Variants in NBAS observed in about 807,000 individuals in gnomAD.
The protein encoded by NBAS is NBAS subunit of NRZ tethering complex.
Under a neutral mutation model 302.5 loss-of-function variants are expected in NBAS, and 219 were observed. The observed-to-expected ratio is 0.72, with a 90% CI of 0.65 to 0.81. The LOEUF (loss-of-function observed/expected upper bound fraction) is 0.81, where lower values mean the gene tolerates loss of function less well. Among genes scored for constraint, NBAS ranks in the 30% least tolerant of loss-of-function variants. NBAS has a pLI of 0.00. For missense variants in NBAS, 2,932 were observed against 2,841.6 expected, an observed-to-expected ratio of 1.03 and a Z score of -0.72; for synonymous variants, 1,118 against 1,021.6, an observed-to-expected ratio of 1.09 and a Z score of -1.80.
the NBAS span, among the ~76,000 whole-genome samples, chr2:14,990,279 C>T: frequency 7.6e-5 from 11 of 144,752 alleles, no homozygotes; most frequent in Non-Finnish European, 1.4e-4. Context: ...AAAAAAAAAG[C>T]TGGGCATGGT....
chr2:15,155,577 G>C, the NBAS span, among the ~76,000 whole-genome samples: 1 of 152,158 alleles, frequency 6.6e-6, no homozygotes, highest in South Asian at 2.1e-4. Flanking sequence ...AAGGCTTCCA[G>C]GGAATCAGGT....
intron 21 of NBAS, among the ~76,000 whole-genome samples, chr2:15,429,856 T>TA (rs1217422112): frequency 6.6e-6 from 1 of 152,258 alleles, no homozygotes; most frequent in African/African-American, 2.4e-5. Flanking sequence ...TGTCACCAAA[T>TA]AAAAAACTAT....
At chr2:15,437,266 C>T (rs1173733457) in intron 21 of NBAS, among the ~76,000 whole-genome samples, 3 of 152,092 alleles carry the variant, frequency 2.0e-5, no homozygotes, top group East Asian at 1.9e-4. Context: ...AAGGATCACT[C>T]GTGCCCAGGA....
intron 12 of NBAS, among the ~76,000 whole-genome samples, chr2:15,485,301 AAG>A (rs1680577983): frequency 6.6e-6 from 1 of 152,146 alleles, no homozygotes; most frequent in Non-Finnish European, 1.5e-5. Flanking sequence ...AATAATTATA[AAG>A]AGTGATTATA....
intron 41 of NBAS, among the ~76,000 whole-genome samples, chr2:15,292,028 G>A (rs1211968277): frequency 1.3e-5 from 2 of 152,230 alleles, no homozygotes. Context: ...GGGGTGGAGT[G>A]CAGTGGCATG....
At position 15,467,407 on chromosome 2, in the gene NBAS, C is replaced by A. The variant is rs753412601; in HGVS notation, c.2019G>T (p.Lys673Asn). The A allele has an allele frequency of 6.2e-7, 1 of 1,611,838 alleles. No homozygotes were observed. The highest frequency in any genetic ancestry group is 1.7e-5 in the Admixed American group (1 of 59,994). ...QELLKLVNFS[K>N]LTLEQKELCR... Reference sequence around the variant, plus strand: ...AAAGTTCCTTTTGTTCCAGTGTCAACCTGTTTTGAATAACTATGTTAGGCC... The same window carrying A: ...AAAGTTCCTTTTGTTCCAGTGTCAAACTGTTTTGAATAACTATGTTAGGCC... Residue 673 changes from lysine to asparagine, a missense_variant and splice_region_variant, in exon 19 of 52, where the codon AAG (lysine) becomes AAT (asparagine). By Grantham distance (94) the Lys-to-Asn change is moderately conservative. Transcript: ENST00000281513.
chr2:15,560,722 C>T (rs562671860), intron 1 of NBAS, among the ~76,000 whole-genome samples: 6 of 152,260 alleles, frequency 3.9e-5, no homozygotes, highest in African/African-American at 1.4e-4. Context: ...ATGCTGCAGA[C>T]TGTAAGGTCC....
intron 47 of NBAS, among the ~76,000 whole-genome samples, chr2:15,229,713 T>C (rs1291190084): frequency 1.4e-5 from 2 of 144,258 alleles, no homozygotes; most frequent in Admixed American, 1.4e-4. Context: ...ACCAGGGAGG[T>C]GGAGGTTGCA....
chr2:15,441,147 T>C (rs1678374933), intron 21 of NBAS, among the ~76,000 whole-genome samples: 1 of 151,988 alleles, frequency 6.6e-6, no homozygotes, highest in Non-Finnish European at 1.5e-5. Context: ...ATTCAGGAAA[T>C]ACAGAGAATG....
chr2:15,310,463 T>C (rs73197033), intron 38 of NBAS, among the ~76,000 whole-genome samples: 3,534 of 152,306 alleles, frequency 0.023, 122 homozygotes, highest in African/African-American at 0.077. Flanking sequence ...TATTTCAAGG[T>C]CTACTTCCAA....
the NBAS span, among the ~76,000 whole-genome samples, chr2:15,148,985 C>CT: frequency 6.6e-6 from 1 of 151,900 alleles, no homozygotes; most frequent in Non-Finnish European, 1.5e-5. Flanking sequence ...TTTAAAAAAC[C>CT]TTTTGATATT....
At chr2:15,168,636 A>C (rs888707000) in intron 51 of NBAS, among the ~76,000 whole-genome samples, 16 of 151,990 alleles carry the variant, frequency 1.1e-4, no homozygotes, top group African/African-American at 3.6e-4. Context: ...TATTTTATTT[A>C]TTTCTTTTTT....
intron 44 of NBAS, among the ~76,000 whole-genome samples, chr2:15,259,493 C>G (rs964338093): frequency 6.6e-6 from 1 of 152,230 alleles, no homozygotes; most frequent in Non-Finnish European, 1.5e-5. Context: ...TCCTCAACCC[C>G]TCTTTACAGC....
At chr2:15,306,763 CT>C (rs201533077) in intron 40 of NBAS, among the ~76,000 whole-genome samples, 22,320 of 132,332 alleles carry the variant, frequency 0.17, 2,313 homozygotes, top group African/African-American at 0.35. Context: ...TTGTGGAAAT[CT>C]TTTTTTTTTT....
chr2:15,288,557 A>G (rs1040198437), intron 41 of NBAS, among the ~76,000 whole-genome samples: 3 of 152,208 alleles, frequency 2.0e-5, no homozygotes, highest in Admixed American at 2.0e-4. Flanking sequence ...AGTCCATGAA[A>G]AGTTTAAAAC....
chr2:15,235,907 A>G (rs1667571252), intron 45 of NBAS, among the ~76,000 whole-genome samples: 1 of 152,176 alleles, frequency 6.6e-6, no homozygotes, highest in Non-Finnish European at 1.5e-5. Context: ...GAGAAGAGGG[A>G]ACTGAGGCTC....
chr2:15,114,334 C>T, the NBAS span, among the ~76,000 whole-genome samples: 1 of 152,190 alleles, frequency 6.6e-6, no homozygotes, highest in Non-Finnish European at 1.5e-5. Flanking sequence ...GACCTCCTCT[C>T]CTGGTGTCCT....
chr2:14,829,011 T>A, the NBAS span, among the ~76,000 whole-genome samples: 1 of 152,150 alleles, frequency 6.6e-6, no homozygotes, highest in Non-Finnish European at 1.5e-5. Flanking sequence ...TGCTTTCTGT[T>A]TAATTGCCTG....
intron 35 of NBAS, among the ~76,000 whole-genome samples, chr2:15,345,540 G>T (rs906597247): frequency 6.6e-6 from 1 of 152,162 alleles, no homozygotes; most frequent in African/African-American, 2.4e-5. Context: ...CATGCTCATG[G>T]ATAGGAAGAA....
Sources: allele counts gnomAD v4.1 joint callset (sites outside exome capture counted in the v4.1 genomes callset), GRCh38; gene constraint gnomAD v4.1.1; transcripts MANE v1.5; gene names NCBI Gene and HGNC (gene_info 2026-07-23, HGNC 2026-07-21).